Variants in TSHR observed in about 807,000 individuals in gnomAD.
TSHR encodes the protein thyroid stimulating hormone receptor.
In TSHR, 51 loss-of-function variants were observed where a neutral mutation model predicts 64.1. The ratio of observed to expected loss-of-function variants is 0.80; its 90% CI spans 0.64 to 1.01. The LOEUF is 1.01. Ranked by LOEUF, TSHR falls within the 50% of genes least tolerant of loss-of-function variation. TSHR has a pLI of 0.00. For missense variants in TSHR, 877 were observed against 942.8 expected (o/e 0.93, Z 0.91); for synonymous variants, 361 against 361.9 (o/e 1.00, Z 0.03).
intron 1 of TSHR, among the ~76,000 whole-genome samples, chr14:81,006,843 G>A (rs1196307652): frequency 1.3e-5 from 2 of 152,116 alleles, no homozygotes; most frequent in Admixed American, 6.6e-5. Context: ...AGGTACTGGG[G>A]TTAGGACTCC....
rs146933934 is a variant in TSHR at position 81,096,263 on chromosome 14, T to C, written c.546-376T>C. ...AGATGAATGTCTTTCAAAATGTTTATCTTAAGAGACTGCAGCTGCTCCTCC... is the reference window on the plus strand; with the variant it reads ...AGATGAATGTCTTTCAAAATGTTTACCTTAAGAGACTGCAGCTGCTCCTCC... On this transcript the variant is annotated intron_variant, in intron 6 of 9. Transcript: ENST00000298171. 3.8e-3 allele frequency among the ~76,000 whole-genome samples: 578 copies of C among 152,290 alleles called. 4 individuals carry two copies. The highest frequency in any genetic ancestry group is 0.012 in the African/African-American group (516 of 41,558).
chr14:81,083,444 G>A (rs1888050899), intron 3 of TSHR, among the ~76,000 whole-genome samples: 1 of 149,676 alleles, frequency 6.7e-6, no homozygotes, highest in Non-Finnish European at 1.5e-5. Context: ...TAGTTCTGCT[G>A]GATGATTTCC....
At chr14:81,022,532 G>C (rs554003618) in intron 1 of TSHR, among the ~76,000 whole-genome samples, 4 of 151,974 alleles carry the variant, frequency 2.6e-5, no homozygotes, top group South Asian at 4.2e-4. Flanking sequence ...TAAGATGTGG[G>C]GTGTTTGGGG....
chr14:80,998,661 A>G (rs889189941), intron 1 of TSHR, among the ~76,000 whole-genome samples: 2 of 152,094 alleles, frequency 1.3e-5, no homozygotes, highest in African/African-American at 4.8e-5. Flanking sequence ...AAGCCAATAT[A>G]AAGAAAATGA....
chr14:81,020,512 C>A (rs564243562), intron 1 of TSHR, among the ~76,000 whole-genome samples: 1 of 152,152 alleles, frequency 6.6e-6, no homozygotes, highest in African/African-American at 2.4e-5. Flanking sequence ...ACCTAGACTG[C>A]GTGTTCCTTA....
At chr14:81,022,293 C>A (rs1248824313) in intron 1 of TSHR, among the ~76,000 whole-genome samples, 3 of 151,872 alleles carry the variant, frequency 2.0e-5, no homozygotes, top group Non-Finnish European at 4.4e-5. Flanking sequence ...AAACAAACAA[C>A]AAAAAAATTA....
intron 1 of TSHR, among the ~76,000 whole-genome samples, chr14:81,037,533 A>G (rs778007825): frequency 2.0e-5 from 3 of 152,118 alleles, no homozygotes; most frequent in African/African-American, 4.8e-5. Flanking sequence ...AAATTTTCCA[A>G]TTAAAAGATA....
At chr14:81,086,795 A>G (rs1374668736) in intron 3 of TSHR, among the ~76,000 whole-genome samples, 1 of 152,272 alleles carries the variant, frequency 6.6e-6, no homozygotes, top group Non-Finnish European at 1.5e-5. Flanking sequence ...CCTCACAGAC[A>G]TTATGCTAAA....
chr14:81,027,956 C>G (rs1042699221), intron 1 of TSHR, among the ~76,000 whole-genome samples: 2 of 152,040 alleles, frequency 1.3e-5, no homozygotes, highest in African/African-American at 4.8e-5. Context: ...GAGACTAAGG[C>G]TGATCTAAGA....
Position 81,143,077 on chromosome 14 carries a change from A to T in TSHR, c.1019A>T (p.Lys340Met), listed in dbSNP as rs2140109093. The change falls in exon 10 of 10, where the codon AAG becomes ATG. Residue 340 changes from lysine (K) to methionine (M), a missense_variant. Physicochemically the swap from Lys to Met is moderately conservative, Grantham distance 95. Transcript: ENST00000298171. ...LGDSIVGYKE[K>M]SKFQDTHNNA... ...GACAGCATTGTTGGGTACAAGGAAA[A>T]GTCCAAGTTCCAGGATACTCATAAC... The T allele has an allele frequency of 6.2e-7, 1 of 1,614,166 alleles. No homozygotes were observed.
At chr14:81,073,307 G>A (rs868505154) in intron 3 of TSHR, among the ~76,000 whole-genome samples, 199 of 151,672 alleles carry the variant, frequency 1.3e-3, no homozygotes, top group African/African-American at 4.8e-3. Context: ...GATAGAACAA[G>A]CATACCAAAA....
intron 1 of TSHR, among the ~76,000 whole-genome samples, chr14:81,059,115 C>T (rs1484479794): frequency 6.6e-6 from 1 of 152,120 alleles, no homozygotes; most frequent in Non-Finnish European, 1.5e-5. Context: ...TTCCCCACAA[C>T]CCTTATTGTA....
Position 81,139,877 on chromosome 14 carries a change from AG to A in TSHR, c.881+13del. On this transcript the variant is annotated intron_variant, in intron 9 of 9. Coordinates refer to ENST00000298171, the MANE Select transcript of TSHR (RefSeq NM_000369.5). ...AGAAGAAAATCAGAGGGTAAGTGGCAGGGACCCGGCATAAGTGACAAAAGAC... is the reference window on the plus strand; with the variant it reads ...AGAAGAAAATCAGAGGGTAAGTGGCAGGACCCGGCATAAGTGACAAAAGAC... 1 of 1,614,142 alleles carries A rather than the reference AG, an allele frequency of 6.2e-7. No homozygotes were observed. Among genetic ancestry groups the A allele is most frequent in the Non-Finnish European group, 8.5e-7 (1 of 1,179,994 alleles).
intron 5 of TSHR, 55 bp downstream of exon 5, chr14:81,091,198 C>T: frequency 2.1e-6 from 3 of 1,456,634 alleles, no homozygotes; most frequent in Non-Finnish European, 1.9e-6. Context: ...CTGACAAGAA[C>T]TAGAATACAG....
At chr14:80,978,219 GT>G (rs1887991870) in intron 1 of TSHR, among the ~76,000 whole-genome samples, 1 of 152,028 alleles carries the variant, frequency 6.6e-6, no homozygotes, top group Non-Finnish European at 1.5e-5. Flanking sequence ...ATTGATTAAA[GT>G]TTTTAGTAAT....
intron 1 of TSHR, among the ~76,000 whole-genome samples, chr14:81,008,319 C>T (rs1015640632): frequency 2.6e-5 from 4 of 151,892 alleles, no homozygotes; most frequent in African/African-American, 7.3e-5. Flanking sequence ...ACTACAGGCG[C>T]CCCCCACCAC....
In TSHR at chr14:81,103,476, T is replaced by A. The variant is rs1031803473; in HGVS notation, c.615-4899T>A. 3.0e-6 allele frequency: 3 copies of A among 985,364 alleles called. No individual in the cohort carries two copies. Among genetic ancestry groups the A allele is most frequent in the African/African-American group, 3.5e-5 (2 of 57,252 alleles). The allele number at this position is 985,364 out of a possible 1,614,324, so 61.0% of individuals were successfully genotyped here. A position where few individuals can be genotyped will look rare whatever the true frequency, so the allele number is the denominator to read the frequency against. ...ATCGACCTCATTTACACTCATTTTT[T>A]AAAATGTAACTGAATAATACAATTA... On this transcript the variant is annotated intron_variant, in intron 7 of 9. Transcript: ENST00000298171. This position sits in a 1 kb window ranked among gnomAD's most constrained non-coding sequence, Gnocchi z 4.1.
At chr14:81,020,526 G>A (rs981347795) in intron 1 of TSHR, among the ~76,000 whole-genome samples, 39 of 152,328 alleles carry the variant, frequency 2.6e-4, no homozygotes, top group Admixed American at 9.8e-4. Flanking sequence ...TTCCTTAAGA[G>A]AATCTAATGC....
At chr14:80,978,620 C>T (rs891841731) in intron 1 of TSHR, among the ~76,000 whole-genome samples, 16 of 152,172 alleles carry the variant, frequency 1.1e-4, no homozygotes, top group Admixed American at 8.5e-4. Context: ...GTGGGCTTCC[C>T]GGGAAGAGTA....
Sources: allele counts gnomAD v4.1 joint callset (sites outside exome capture counted in the v4.1 genomes callset), GRCh38; gene constraint gnomAD v4.1.1; non-coding constraint Gnocchi (gnomAD v3.1); transcripts MANE v1.5; gene names NCBI Gene and HGNC (gene_info 2026-07-23, HGNC 2026-07-21).